NCAM2: variants seen among roughly 807,000 people sequenced by gnomAD.
The protein encoded by NCAM2 is neural cell adhesion molecule 2.
In NCAM2, 30 loss-of-function variants were observed where a neutral mutation model predicts 98.1. The observed-to-expected ratio is 0.31, with a 90% CI of 0.23 to 0.41. The LOEUF is 0.41. Ranked by LOEUF, NCAM2 falls within the 10% of genes least tolerant of loss-of-function variation. NCAM2 has a pLI of 1.00. For missense variants in NCAM2, 867 were observed against 1,005.8 expected, an observed-to-expected ratio of 0.86 and a Z score of 1.87; for synonymous variants, 368 against 342.4, an observed-to-expected ratio of 1.07 and a Z score of -0.83.
intron 1 of NCAM2, among the ~76,000 whole-genome samples, chr21:21,032,290 T>G (rs1407559473): frequency 6.6e-6 from 1 of 152,232 alleles, no homozygotes; most frequent in African/African-American, 2.4e-5. Context: ...TTATTTATTA[T>G]TTAGTAAGTA....
At chr21:21,033,419 T>G (rs183872121) in intron 1 of NCAM2, among the ~76,000 whole-genome samples, 1 of 152,328 alleles carries the variant, frequency 6.6e-6, no homozygotes, top group East Asian at 1.9e-4. Flanking sequence ...ATTTATTAGC[T>G]TGCATATATA....
chr21:21,310,610 G>A (rs899382076), intron 5 of NCAM2, among the ~76,000 whole-genome samples: 4 of 152,180 alleles, frequency 2.6e-5, no homozygotes, highest in Non-Finnish European at 5.9e-5. Flanking sequence ...GAATCTGATT[G>A]TAACTGTTAC....
At chr21:21,287,723 G>A (rs1315429943) in intron 4 of NCAM2, among the ~76,000 whole-genome samples, 1 of 151,932 alleles carries the variant, frequency 6.6e-6, no homozygotes, top group Non-Finnish European at 1.5e-5. Context: ...ACAACGGGTA[G>A]TGGTGATGGA....
chr21:21,152,844 C>G (rs1416417187), intron 1 of NCAM2, among the ~76,000 whole-genome samples: 2 of 151,936 alleles, frequency 1.3e-5, no homozygotes, highest in Admixed American at 6.6e-5. Flanking sequence ...ATGCTGATGT[C>G]TGGAGCTCCT....
chr21:21,013,843 T>A (rs9983138), intron 1 of NCAM2, among the ~76,000 whole-genome samples: 1 of 151,852 alleles, frequency 6.6e-6, no homozygotes, highest in Non-Finnish European at 1.5e-5. Flanking sequence ...AGAAGCCATC[T>A]CCATAACATA....
chr21:21,518,555 T>C (rs1346291854), intron 16 of NCAM2, among the ~76,000 whole-genome samples: 1 of 151,894 alleles, frequency 6.6e-6, no homozygotes, highest in African/African-American at 2.4e-5. Flanking sequence ...ATCACAAAGC[T>C]TAGTTTTAGT....
intron 9 of NCAM2, among the ~76,000 whole-genome samples, chr21:21,381,287 C>A (rs1169662533): frequency 6.6e-6 from 1 of 152,154 alleles, no homozygotes; most frequent in Non-Finnish European, 1.5e-5. Flanking sequence ...CAAGACTTTG[C>A]CCATGGGCTA....
chr21:21,151,351 T>C (rs991358624), intron 1 of NCAM2, among the ~76,000 whole-genome samples: 1 of 152,114 alleles, frequency 6.6e-6, no homozygotes, highest in Non-Finnish European at 1.5e-5. Context: ...GCCATGTTGG[T>C]GTGCTGCACC....
At chr21:21,423,784 C>A (rs904991176) in intron 11 of NCAM2, among the ~76,000 whole-genome samples, 2 of 152,044 alleles carry the variant, frequency 1.3e-5, no homozygotes, top group Non-Finnish European at 1.5e-5. Flanking sequence ...TATTTTAGCT[C>A]TTTTTTTCAG....
At chr21:21,343,214 T>C (rs1185539720) in intron 8 of NCAM2, among the ~76,000 whole-genome samples, 2 of 152,106 alleles carry the variant, frequency 1.3e-5, no homozygotes, top group Admixed American at 6.6e-5. Context: ...CTTCGTATAA[T>C]GGGTACTACC....
At chr21:21,436,872 G>A (rs754598562) in intron 12 of NCAM2, among the ~76,000 whole-genome samples, 38 of 151,044 alleles carry the variant, frequency 2.5e-4, no homozygotes, top group Non-Finnish European at 4.6e-4. Flanking sequence ...AGCGATTCTC[G>A]TGCCTCAGCC....
chr21:21,349,595 A>G (rs2075280373), intron 8 of NCAM2, among the ~76,000 whole-genome samples: 2 of 152,194 alleles, frequency 1.3e-5, no homozygotes, highest in African/African-American at 4.8e-5. Context: ...ACCCAAAAGA[A>G]AGGAAATCAG....
intron 13 of NCAM2, among the ~76,000 whole-genome samples, chr21:21,467,399 T>TAA (rs1491464788): frequency 7.6e-5 from 11 of 144,002 alleles, no homozygotes; most frequent in African/African-American, 2.6e-4. Context: ...TATATATATA[T>TAA]CGTTGTATAT....
chr21:21,152,081 G>A (rs1003419817), intron 1 of NCAM2, among the ~76,000 whole-genome samples: 1 of 151,872 alleles, frequency 6.6e-6, no homozygotes, highest in Admixed American at 6.6e-5. Flanking sequence ...CTAACTCCAT[G>A]TATGTTGGAC....
At chr21:21,336,560 A>G (rs2074876304) in intron 7 of NCAM2, among the ~76,000 whole-genome samples, 1 of 151,496 alleles carries the variant, frequency 6.6e-6, no homozygotes. Flanking sequence ...AAAAAGTATA[A>G]TAAAAAAAAA....
At chr21:21,045,142 T>C (rs2064983924) in intron 1 of NCAM2, among the ~76,000 whole-genome samples, 2 of 152,080 alleles carry the variant, frequency 1.3e-5, no homozygotes. Flanking sequence ...CTTAAAACTG[T>C]TAACAGACAT....
At chr21:21,120,793 A>G (rs1601421755) in intron 1 of NCAM2, among the ~76,000 whole-genome samples, 1 of 147,136 alleles carries the variant, frequency 6.8e-6, no homozygotes, top group Non-Finnish European at 1.5e-5. Flanking sequence ...ATCTCGGCTC[A>G]CTGCAACCTC....
At chr21:21,069,595 T>C (rs1447716850) in intron 1 of NCAM2, among the ~76,000 whole-genome samples, 2 of 152,138 alleles carry the variant, frequency 1.3e-5, no homozygotes, top group African/African-American at 4.8e-5. Flanking sequence ...GACCTACCCT[T>C]CCTTTAAAAG....
rs142569518 is a variant in NCAM2 at position 21,370,242 on chromosome 21, A to AT, written c.1045-3615dup. Among the ~76,000 whole-genome samples, 1,233 of 151,662 alleles carry AT rather than the reference A, an allele frequency of 8.1e-3. 15 individuals carry two copies. The highest frequency in any genetic ancestry group is 0.029 in the African/African-American group (1,181 of 41,402). On this transcript the variant is annotated intron_variant, in intron 8 of 17. Coordinates refer to ENST00000400546, the MANE Select transcript of NCAM2 (RefSeq NM_004540.5). ...ATATCAGCATGCATTATAATTTGTC[A>AT]TTTTTTCCTCTGATCCTTATGACCT... is the stretch of plus-strand genomic sequence containing the variant.
Sources: allele counts gnomAD v4.1 joint callset (sites outside exome capture counted in the v4.1 genomes callset), GRCh38; gene constraint gnomAD v4.1.1; transcripts MANE v1.5; gene names NCBI Gene and HGNC (gene_info 2026-07-23, HGNC 2026-07-21).